AVEN: variants seen among roughly 807,000 people sequenced by gnomAD.
AVEN encodes cell death regulator Aven.
Under a neutral mutation model 38.1 loss-of-function variants are expected in AVEN, and 41 were observed. That is an observed-to-expected ratio of 1.08 (90% confidence interval 0.84 to 1.40). AVEN has a LOEUF of 1.40. Among genes scored for constraint, AVEN ranks in the 40% most tolerant of loss-of-function variants. AVEN has a pLI of 0.00. For missense variants in AVEN, 605 were observed against 438.8 expected (o/e 1.38, Z -3.38); for synonymous variants, 206 against 171.8 (o/e 1.20, Z -1.56).
At chr15:33,937,075 G>A (rs1272521499) in intron 2 of AVEN, among the ~76,000 whole-genome samples, 1 of 145,304 alleles carries the variant, frequency 6.9e-6, no homozygotes, top group Non-Finnish European at 1.5e-5. Flanking sequence ...TGCTTGCAGT[G>A]AGCCGAGATC....
intron 2 of AVEN, among the ~76,000 whole-genome samples, chr15:33,892,584 G>T (rs1206208281): frequency 6.6e-6 from 1 of 152,154 alleles, no homozygotes; most frequent in Non-Finnish European, 1.5e-5. Flanking sequence ...CCATTGGTCT[G>T]TATCTCTGTT....
intron 2 of AVEN, among the ~76,000 whole-genome samples, chr15:33,951,921 T>C (rs191039976): frequency 1.3e-5 from 2 of 152,158 alleles, no homozygotes; most frequent in Middle Eastern, 3.2e-3. Flanking sequence ...CTCAACTCCA[T>C]CTGGAAAGCT....
intron 2 of AVEN, among the ~76,000 whole-genome samples, chr15:33,903,866 C>T (rs1001612040): frequency 1.3e-5 from 2 of 152,014 alleles, no homozygotes; most frequent in Non-Finnish European, 2.9e-5. Flanking sequence ...ACTAACAAAC[C>T]GAGATGGCAT....
chr15:33,881,494 C>A (rs994729900), intron 2 of AVEN, among the ~76,000 whole-genome samples: 1 of 152,192 alleles, frequency 6.6e-6, no homozygotes, highest in Non-Finnish European at 1.5e-5. Context: ...TGAGGCTCAA[C>A]TGATCTTCCT....
chr15:34,031,168 A>ATTTTTTTTTTTTTTTTTT, intron 1 of AVEN, among the ~76,000 whole-genome samples: 1 of 67,598 alleles, frequency 1.5e-5, no homozygotes, highest in Admixed American at 2.4e-4. Flanking sequence ...GCTTAGGTTA[A>ATTTTTTTTTTTTTTTTTT]TTTTTTTTTT....
At position 34,039,037 on chromosome 15, in the gene AVEN, C is replaced by A; in HGVS notation, c.10G>T (p.Glu4Ter). ...CCACGGCCTCCCCGAGCTCCTCGCT[C>A]CGCCTGCATCTGGCCGCCGCTGGCG... is the stretch of plus-strand genomic sequence containing the variant. MQA[E>*]RGARGGRGRR... Residue 4 changes from glutamate to a stop codon, truncating the protein, a stop_gained, in exon 1 of 6, where the codon GAG (glutamate) becomes TAG (stop). Coordinates refer to ENST00000306730, the MANE Select transcript of AVEN (RefSeq NM_020371.3). LOFTEE classifies it high-confidence loss of function. The A allele has an allele frequency of 9.0e-7, 1 of 1,112,776 alleles. No homozygotes were observed. The highest frequency in any genetic ancestry group is 1.1e-6 in the Non-Finnish European group (1 of 914,310). 68.9% of individuals were successfully genotyped at this position (1,112,776 alleles called of 1,614,324 possible).
chr15:34,000,306 T>G lies in AVEN; in HGVS notation c.445+2726A>C, dbSNP rs1156861186. The stretch of plus-strand genomic sequence containing the variant: ...GTGAGACAGGTGTCTATATCTGTTC[T>G]GTTCACCACTCTATGTCCAGCCTCT... On this transcript the variant is annotated intron_variant, in intron 2 of 5. Coordinates refer to ENST00000306730, the MANE Select transcript of AVEN (RefSeq NM_020371.3). 3.3e-5 allele frequency among the ~76,000 whole-genome samples: 5 copies of G among 152,256 alleles called. No individual in the cohort carries two copies. The East Asian group carries it at 9.6e-4, about 29-fold the overall frequency.
At chr15:33,910,053 G>T (rs539408032) in intron 2 of AVEN, among the ~76,000 whole-genome samples, 3 of 151,610 alleles carry the variant, frequency 2.0e-5, no homozygotes, top group Admixed American at 1.3e-4. Context: ...ACTTGAACCC[G>T]GGAGGTGGAG....
intron 2 of AVEN, among the ~76,000 whole-genome samples, chr15:33,902,475 A>T (rs1892531991): frequency 6.6e-6 from 1 of 152,352 alleles, no homozygotes; most frequent in Admixed American, 6.5e-5. Context: ...TACAACTAAC[A>T]TCATAATCAA....
chr15:33,865,272 T>C, downstream of AVEN: 1 of 1,351,390 alleles, frequency 7.4e-7, no homozygotes, highest in Non-Finnish European at 1.1e-6. Flanking sequence ...CAACTTCCCA[T>C]GAAATAAAGT....
chr15:34,039,200 G>C lies in AVEN; in HGVS notation c.-154C>G, dbSNP rs1899344817. The C allele has an allele frequency of 1.6e-6, 1 of 610,146 alleles. No individual in the cohort carries two copies. Among genetic ancestry groups the C allele is most frequent in the African/African-American group, 2.0e-5 (1 of 49,790 alleles). The allele number at this position is 610,146 out of a possible 1,614,324, so 37.8% of individuals were successfully genotyped here. ...GCGGGGCTAGGGATCGAGGCCGGCC[G>C]CAGCGGAGCGGGGCGGGGCGGGGCG... is the stretch of plus-strand genomic sequence containing the variant. On this transcript the variant is annotated 5_prime_UTR_variant, in exon 1 of 6. Coordinates refer to ENST00000306730, the MANE Select transcript of AVEN (RefSeq NM_020371.3).
At chr15:33,929,855 T>G (rs146338369) in intron 2 of AVEN, among the ~76,000 whole-genome samples, 7 of 152,272 alleles carry the variant, frequency 4.6e-5, no homozygotes, top group African/African-American at 1.7e-4. Context: ...AGAAATGAAA[T>G]TAATTCAGAA....
intron 1 of AVEN, among the ~76,000 whole-genome samples, chr15:34,033,003 T>C (rs1471852879): frequency 6.6e-6 from 1 of 152,180 alleles, no homozygotes; most frequent in Non-Finnish European, 1.5e-5. Flanking sequence ...ATGAACTGAG[T>C]GACATTGATA....
In AVEN at chr15:33,910,221, T is replaced by G. The variant is rs1233280398; in HGVS notation, c.446-34226A>C. 2.6e-5 allele frequency among the ~76,000 whole-genome samples: 4 copies of G among 152,130 alleles called. No individual in the cohort carries two copies. The East Asian group carries it at 7.7e-4, about 29-fold the overall frequency. ...GGCTTCCCTGTAAGACATATATTCCTTTCATTTCTCTGAGATCTTTCAATG... is the reference window on the plus strand; with the variant it reads ...GGCTTCCCTGTAAGACATATATTCCGTTCATTTCTCTGAGATCTTTCAATG... On this transcript the variant is annotated intron_variant, in intron 2 of 5. Coordinates refer to ENST00000306730, the MANE Select transcript of AVEN (RefSeq NM_020371.3).
downstream of AVEN, among the ~76,000 whole-genome samples, chr15:33,862,962 C>T (rs1355954795): frequency 6.6e-6 from 1 of 152,220 alleles, no homozygotes; most frequent in East Asian, 1.9e-4. Flanking sequence ...TGCCCTTCCT[C>T]ATGAGTATTT....
At chr15:33,944,018 AC>A (rs1384628027) in intron 2 of AVEN, among the ~76,000 whole-genome samples, 3 of 152,032 alleles carry the variant, frequency 2.0e-5, no homozygotes, top group African/African-American at 7.2e-5. Flanking sequence ...ACACGCATGA[AC>A]CACCACACCT....
intron 5 of AVEN, among the ~76,000 whole-genome samples, chr15:34,055,975 C>T (rs918390999): frequency 6.6e-6 from 1 of 152,270 alleles, no homozygotes; most frequent in Admixed American, 6.5e-5. Context: ...ACCTCAGCCT[C>T]CCAAAGTGCT....
At chr15:33,886,193 T>A (rs555164184) in intron 2 of AVEN, among the ~76,000 whole-genome samples, 1 of 152,286 alleles carries the variant, frequency 6.6e-6, no homozygotes, top group South Asian at 2.1e-4. Flanking sequence ...CATCTTGAAT[T>A]GTAGTTCCCA....
chr15:33,973,618 G>C (rs950322548), intron 2 of AVEN, among the ~76,000 whole-genome samples: 1 of 152,168 alleles, frequency 6.6e-6, no homozygotes, highest in African/African-American at 2.4e-5. Context: ...AAAGCTGGAG[G>C]ATCGCTTGAG....
Sources: allele counts gnomAD v4.1 joint callset (sites outside exome capture counted in the v4.1 genomes callset), GRCh38; gene constraint gnomAD v4.1.1; transcripts MANE v1.5; gene names NCBI Gene and HGNC (gene_info 2026-07-23, HGNC 2026-07-21).